The following RANBP2 variants were observed in gnomAD, a reference collection of about 807,000 sequenced individuals.
RANBP2 encodes E3 SUMO-protein ligase RanBP2.
RANBP2 carries 57 observed loss-of-function variants against 303.6 expected under a neutral mutation model. The observed-to-expected ratio is 0.19, with a 90% CI of 0.15 to 0.23. The LOEUF is 0.23. RANBP2 is among the 10% of genes least tolerant of loss of function. RANBP2 has a pLI of 1.00. For missense variants in RANBP2, 3,138 were observed against 3,780.8 expected (o/e 0.83, Z 4.46); for synonymous variants, 1,167 against 1,301.5 (o/e 0.90, Z 2.23).
At chr2:108,913,879 G>A in the RANBP2 span, among the ~76,000 whole-genome samples, 1 of 151,528 alleles carries the variant, frequency 6.6e-6, no homozygotes, top group Admixed American at 6.6e-5. Flanking sequence ...GAACCCAGGA[G>A]GCGGAGCTTG....
At chr2:109,713,276 T>A in the RANBP2 span, among the ~76,000 whole-genome samples, 2 of 152,114 alleles carry the variant, frequency 1.3e-5, no homozygotes, top group African/African-American at 4.8e-5. Context: ...GGGTTCTTCA[T>A]CATTAATAAG....
the RANBP2 span, chr2:109,129,664 G>A: frequency 6.6e-7 from 1 of 1,508,086 alleles, no homozygotes; most frequent in East Asian, 2.7e-5. Context: ...CGCCGCGGGG[G>A]CGGGCGAGGA....
In RANBP2 at chr2:108,751,532, T is replaced by A. The variant is rs1558902128; in HGVS notation, c.1460T>A (p.Phe487Tyr). ...ESICILDLEV[F>Y]LLGVVYTSHL... ...ACTTTTCCTTAAATAAAACAGGTATTTCTCCTTGGAGTAGTATATACCAGC... is the reference window on the plus strand; with the variant it reads ...ACTTTTCCTTAAATAAAACAGGTATATCTCCTTGGAGTAGTATATACCAGC... The change falls in exon 11 of 29, where the codon TTT (phenylalanine) becomes TAT (tyrosine). Residue 487 changes from phenylalanine to tyrosine, a missense_variant. Transcript: ENST00000283195. The A allele has an allele frequency of 6.2e-7, 1 of 1,611,154 alleles. No homozygotes were observed. The highest frequency in any genetic ancestry group is 8.5e-7 in the Non-Finnish European group (1 of 1,179,414).
the RANBP2 span, among the ~76,000 whole-genome samples, chr2:109,226,174 T>G: frequency 6.6e-6 from 1 of 152,172 alleles, no homozygotes; most frequent in East Asian, 1.9e-4. Context: ...GTTTCCCAGG[T>G]TTATGAACCC....
At chr2:109,394,404 G>A in the RANBP2 span, among the ~76,000 whole-genome samples, 1 of 152,120 alleles carries the variant, frequency 6.6e-6, no homozygotes, top group African/African-American at 2.4e-5. Context: ...CACCCCATCC[G>A]GTTTCATGTT....
the RANBP2 span, among the ~76,000 whole-genome samples, chr2:109,482,869 T>C: frequency 6.6e-6 from 1 of 152,196 alleles, no homozygotes; most frequent in African/African-American, 2.4e-5. Flanking sequence ...CACTGGCTGC[T>C]GCCTCCCGTT....
chr2:109,629,353 ATATTT>A, the RANBP2 span, among the ~76,000 whole-genome samples: 1 of 7,292 alleles, frequency 1.4e-4, no homozygotes, highest in African/African-American at 4.0e-4. Flanking sequence ...ATATATATAT[ATATTT>A]TTTTTTTTTT....
At chr2:109,477,642 G>T in the RANBP2 span, among the ~76,000 whole-genome samples, 1 of 150,438 alleles carries the variant, frequency 6.6e-6, no homozygotes, top group Non-Finnish European at 1.5e-5. Flanking sequence ...GTGTGTGTGT[G>T]TTGGTGAGGG....
At chr2:109,036,470 T>C in the RANBP2 span, among the ~76,000 whole-genome samples, 2 of 152,194 alleles carry the variant, frequency 1.3e-5, no homozygotes, top group African/African-American at 4.8e-5. Context: ...CAGCATCGTA[T>C]ATAAAAAATT....
the RANBP2 span, among the ~76,000 whole-genome samples, chr2:109,281,065 A>G: frequency 2.1e-3 from 327 of 152,332 alleles, 5 homozygotes; most frequent in East Asian, 0.056. Flanking sequence ...ATGCCATGAC[A>G]GGGCCAGAGA....
chr2:109,393,373 C>T, the RANBP2 span, among the ~76,000 whole-genome samples: 8 of 152,190 alleles, frequency 5.3e-5, no homozygotes, highest in African/African-American at 1.7e-4. Flanking sequence ...ACAGCATCGT[C>T]GTCTCTTGGG....
the RANBP2 span, among the ~76,000 whole-genome samples, chr2:109,294,107 A>G: frequency 2.0e-5 from 3 of 152,122 alleles, no homozygotes; most frequent in Non-Finnish European, 4.4e-5. Flanking sequence ...GTTGTGGTTT[A>G]TGATTGCTCC....
chr2:109,764,192 A>G, the RANBP2 span, among the ~76,000 whole-genome samples: 4 of 150,394 alleles, frequency 2.7e-5, no homozygotes, highest in Admixed American at 6.8e-5. Flanking sequence ...TGGAGAACTT[A>G]GAAAAAGGTG....
At chr2:109,008,376 A>G in the RANBP2 span, among the ~76,000 whole-genome samples, 1 of 152,168 alleles carries the variant, frequency 6.6e-6, no homozygotes, top group Non-Finnish European at 1.5e-5. Flanking sequence ...CCATAGATGA[A>G]GGAGACTGAA....
At chr2:108,845,218 T>A in the RANBP2 span, among the ~76,000 whole-genome samples, 727 of 152,176 alleles carry the variant, frequency 4.8e-3, 7 homozygotes, top group South Asian at 0.023. Flanking sequence ...AAAACATGTA[T>A]TTTTTTTCTA....
At chr2:109,596,725 A>G in the RANBP2 span, among the ~76,000 whole-genome samples, 1 of 152,214 alleles carries the variant, frequency 6.6e-6, no homozygotes, top group Non-Finnish European at 1.5e-5. Flanking sequence ...CATATCAAAT[A>G]TCTGCTTTTG....
the RANBP2 span, among the ~76,000 whole-genome samples, chr2:109,453,361 G>A: frequency 6.6e-6 from 1 of 152,222 alleles, no homozygotes. Context: ...CAGGATTTAA[G>A]TTATCCTTTT....
the RANBP2 span, among the ~76,000 whole-genome samples, chr2:109,242,032 C>T: frequency 2.0e-5 from 3 of 152,094 alleles, no homozygotes; most frequent in Admixed American, 2.0e-4. Context: ...TTTCCCAGTC[C>T]TTCGTCCTGC....
the RANBP2 span, among the ~76,000 whole-genome samples, chr2:109,265,320 G>A: frequency 2.0e-5 from 3 of 152,190 alleles, no homozygotes; most frequent in Non-Finnish European, 2.9e-5. Flanking sequence ...GGTGAGATGC[G>A]GAAAACAAGC....
Sources: allele counts gnomAD v4.1 joint callset (sites outside exome capture counted in the v4.1 genomes callset), GRCh38; gene constraint gnomAD v4.1.1; transcripts MANE v1.5; gene names NCBI Gene and HGNC (gene_info 2026-07-23, HGNC 2026-07-21).